The following ZNF423 variants were observed in gnomAD, a reference collection of about 807,000 sequenced individuals.
ZNF423 encodes the protein Ebf-associated zinc finger protein.
Under a neutral mutation model 95.8 loss-of-function variants are expected in ZNF423, and 12 were observed. The observed-to-expected ratio is 0.13, with a 90% CI of 0.08 to 0.20. The LOEUF is 0.20. Ranked by LOEUF, ZNF423 falls within the 10% of genes least tolerant of loss-of-function variation. The pLI is 1.00. For missense variants in ZNF423, 1,316 were observed against 1,737.1 expected (o/e 0.76, Z 4.31); for synonymous variants, 749 against 711.9 (o/e 1.05, Z -0.83).
chr16:49,634,803 C>T (rs1388557106), intron 4 of ZNF423, among the ~76,000 whole-genome samples: 1 of 152,180 alleles, frequency 6.6e-6, no homozygotes, highest in African/African-American at 2.4e-5. Flanking sequence ...ATTGGTTGCC[C>T]CTCAGCCCCT....
At chr16:49,579,983 T>C (rs1054039499) in intron 5 of ZNF423, among the ~76,000 whole-genome samples, 1 of 152,110 alleles carries the variant, frequency 6.6e-6, no homozygotes, top group Non-Finnish European at 1.5e-5. Flanking sequence ...TGGACTGTCA[T>C]CTCCAGCCAG....
intron 5 of ZNF423, among the ~76,000 whole-genome samples, chr16:49,599,501 G>A (rs1433657967): frequency 2.0e-5 from 3 of 152,204 alleles, no homozygotes; most frequent in African/African-American, 4.8e-5. Context: ...CAGCAAGTGA[G>A]TGGCAGAGCC....
At chr16:49,663,980 G>A (rs991795184) in intron 3 of ZNF423, 19 of 767,394 alleles carry the variant, frequency 2.5e-5, no homozygotes, top group South Asian at 5.9e-5. Flanking sequence ...CCAACGCGCC[G>A]GGAGCCTCTA....
intron 3 of ZNF423, among the ~76,000 whole-genome samples, chr16:49,679,258 C>T (rs2031249403): frequency 6.6e-6 from 1 of 152,246 alleles, no homozygotes; most frequent in African/African-American, 2.4e-5. Context: ...GGAGGCATGG[C>T]CAGGGCTGCG....
chr16:49,528,803 C>T (rs568561282), intron 5 of ZNF423, among the ~76,000 whole-genome samples: 1 of 151,658 alleles, frequency 6.6e-6, no homozygotes, highest in South Asian at 2.1e-4. Flanking sequence ...GGAGGGGCTG[C>T]CCTAGTTAGT....
rs571825834 is a variant in ZNF423 at position 49,682,656 on chromosome 16, G to A, written c.302-43782C>T. ...GAGAGGTTGGTGGGGATGCTGAGCC[G>A]AAGGAAGAAGCAGAGGTCAGTCATG... is the stretch of plus-strand genomic sequence containing the variant. On this transcript the variant is annotated intron_variant, in intron 3 of 7. Coordinates refer to ENST00000563137, the MANE Select transcript of ZNF423 (RefSeq NM_001379286.1). Among the ~76,000 whole-genome samples the A allele has an allele frequency of 3.3e-5, 5 of 152,322 alleles. No individual in the cohort carries two copies. In the East Asian group the frequency reaches 7.7e-4, roughly 23 times the overall value.
chr16:49,540,946 T>A (rs1208780644), intron 5 of ZNF423, among the ~76,000 whole-genome samples: 2 of 152,200 alleles, frequency 1.3e-5, no homozygotes, highest in Admixed American at 6.5e-5. Context: ...CCAGTGGCCC[T>A]CTGTCTAGTT....
chr16:49,787,849 G>A (rs1028647073), intron 2 of ZNF423, among the ~76,000 whole-genome samples: 1 of 152,174 alleles, frequency 6.6e-6, no homozygotes, highest in African/African-American at 2.4e-5. Flanking sequence ...TGGGCTGAGT[G>A]CTTTCCTAGT....
intron 1 of ZNF423, among the ~76,000 whole-genome samples, chr16:49,815,882 ATAT>A (rs1196407980): frequency 1.1e-3 from 46 of 40,952 alleles, no homozygotes; most frequent in African/African-American, 4.0e-3. Context: ...AAAAAAAAAA[ATAT>A]ATATATATAT....
intron 3 of ZNF423, among the ~76,000 whole-genome samples, chr16:49,690,270 T>C (rs2031727652): frequency 6.6e-6 from 1 of 152,192 alleles, no homozygotes; most frequent in Non-Finnish European, 1.5e-5. Context: ...AACACAGAAC[T>C]GTCAAGATCC....
intron 3 of ZNF423, among the ~76,000 whole-genome samples, chr16:49,720,643 A>T (rs929056081): frequency 1.3e-5 from 2 of 152,224 alleles, no homozygotes; most frequent in African/African-American, 4.8e-5. Context: ...AAATTCTAAG[A>T]TTACCTGACT....
At chr16:49,815,909 TA>T (rs1567356491) in intron 1 of ZNF423, among the ~76,000 whole-genome samples, 57 of 42,190 alleles carry the variant, frequency 1.4e-3, no homozygotes, top group African/African-American at 2.6e-3. Context: ...TATATATATA[TA>T]TATATTTTTT....
At chr16:49,823,636 A>T (rs564134402) in intron 1 of ZNF423, among the ~76,000 whole-genome samples, 9 of 152,234 alleles carry the variant, frequency 5.9e-5, no homozygotes, top group African/African-American at 2.2e-4. Flanking sequence ...AAAAAGTTAT[A>T]ACTTGTTGGG....
chr16:49,557,045 G>A (rs1247327544), intron 5 of ZNF423, among the ~76,000 whole-genome samples: 1 of 152,142 alleles, frequency 6.6e-6, no homozygotes, highest in Non-Finnish European at 1.5e-5. Flanking sequence ...CAAATAATTG[G>A]GCCATTTTGG....
intron 7 of ZNF423, among the ~76,000 whole-genome samples, chr16:49,497,064 T>C (rs561057998): frequency 6.6e-6 from 1 of 152,208 alleles, no homozygotes; most frequent in Non-Finnish European, 1.5e-5. Flanking sequence ...CCCCCCTGGC[T>C]AGAACCCCTG....
At chr16:49,759,550 C>T (rs984534502) in intron 2 of ZNF423, among the ~76,000 whole-genome samples, 9 of 152,234 alleles carry the variant, frequency 5.9e-5, no homozygotes, top group African/African-American at 2.2e-4. Flanking sequence ...GGCGGGACCA[C>T]AGCAGCCTCA....
chr16:49,638,419 T>C lies in ZNF423; in HGVS notation c.757A>G (p.Lys253Glu). ...SSLQSHMQAH[K>E]KNKEHLAKSE... ...TTGGCCAGATGCTCCTTGTTCTTTT[T>C]GTGGGCCTGCATGTGGCTCTGCAGC... is the stretch of plus-strand genomic sequence containing the variant. The change falls in exon 4 of 8, where the codon AAA (lysine) becomes GAA (glutamate). Residue 253 changes from lysine to glutamate, a missense_variant. Around this residue, in one of 6 missense-constraint regions of ZNF423, gnomAD observed 399 missense variants for 478.5 expected, o/e 0.83. Coordinates refer to ENST00000563137, the MANE Select transcript of ZNF423 (RefSeq NM_001379286.1). The surrounding 1 kb of genome is among the most constrained non-coding windows in gnomAD (Gnocchi z 5.6). 1.2e-6 allele frequency: 2 copies of C among 1,613,936 alleles called. No homozygotes were observed. The highest frequency in any genetic ancestry group is 1.7e-6 in the Non-Finnish European group (2 of 1,180,036).
chr16:49,785,398 G>GAC (rs1214183608), intron 2 of ZNF423, among the ~76,000 whole-genome samples: 17 of 152,164 alleles, frequency 1.1e-4, no homozygotes, highest in Non-Finnish European at 1.0e-4. Context: ...TCCTTTTAAG[G>GAC]ACATGAAAAT....
At chr16:49,609,664 T>A (rs2151842209) in intron 5 of ZNF423, among the ~76,000 whole-genome samples, 1 of 151,708 alleles carries the variant, frequency 6.6e-6, no homozygotes, top group East Asian at 1.9e-4. Flanking sequence ...GGAGATAGAA[T>A]AATAAAAATC....
Sources: gnomAD v4.1 joint callset for allele counts (sites outside exome capture counted in the v4.1 genomes callset) on GRCh38, gnomAD v4.1.1 for gene constraint, gnomAD v4.1.1 regional missense constraint, Gnocchi (gnomAD v3.1) non-coding constraint, MANE v1.5 for transcripts, NCBI Gene and HGNC (gene_info 2026-07-23, HGNC 2026-07-21) for gene names.